Variants in COMMD10 observed in about 807,000 individuals in gnomAD.
COMMD10 encodes COMM domain-containing protein 10.
A neutral mutation model predicts 28.9 loss-of-function variants in COMMD10; 33 were observed. The observed-to-expected ratio is 1.14, with a 90% CI of 0.87 to 1.53. The LOEUF (loss-of-function observed/expected upper bound fraction) is 1.53. Among genes scored for constraint, COMMD10 ranks in the 40% most tolerant of loss-of-function variants. The pLI is 0.00. For synonymous variants in COMMD10, 110 were observed against 81.7 expected (o/e 1.35, Z -1.87); for missense variants, 310 against 233.4 (o/e 1.33, Z -2.14).
At chr5:116,184,520 T>A (rs974761659) in intron 5 of COMMD10, among the ~76,000 whole-genome samples, 1 of 152,046 alleles carries the variant, frequency 6.6e-6, no homozygotes, top group Non-Finnish European at 1.5e-5. Flanking sequence ...GTTGATAATA[T>A]TGGTTAACAC....
Position 116,220,007 on chromosome 5 carries a change from A to AG in COMMD10, c.511-71508dup, listed in dbSNP as rs1477176319. On this transcript the variant is annotated intron_variant, in intron 5 of 6. Coordinates refer to ENST00000274458, the MANE Select transcript of COMMD10 (RefSeq NM_016144.4). ...CTGTCTTTGTCAGGTTTGGGTCATA[A>AG]GGTTATATGTTAAATTGTTTTGGAT... Among the ~76,000 whole-genome samples, 3 of 152,026 alleles carry AG rather than the reference A, an allele frequency of 2.0e-5. No individual in the cohort carries two copies. The East Asian group carries it at 5.8e-4, about 29-fold the overall frequency.
intron 5 of COMMD10, among the ~76,000 whole-genome samples, chr5:116,177,364 C>T (rs1753550376): frequency 6.6e-6 from 1 of 152,094 alleles, no homozygotes; most frequent in Non-Finnish European, 1.5e-5. Context: ...ATCTTTTCAT[C>T]TTCATTGCTT....
chr5:116,087,511 T>C lies in COMMD10; in HGVS notation c.56T>C (p.Val19Ala), dbSNP rs773722398. ...LRESPSMKKA[V>A]SLINAIDTGR... The stretch of plus-strand genomic sequence containing the variant: ...ATTTTGTTTAGCATGAAGAAAGCAG[T>C]GTCACTGATAAATGCAATAGATACA... Residue 19 changes from valine (V) to alanine (A), a missense_variant, in exon 2 of 7, where the codon GTG (valine) becomes GCG (alanine). Coordinates refer to ENST00000274458, the MANE Select transcript of COMMD10 (RefSeq NM_016144.4). 1 of 1,608,532 alleles carries C rather than the reference T, an allele frequency of 6.2e-7. No homozygotes were observed. The highest frequency in any genetic ancestry group is 2.2e-5 in the East Asian group (1 of 44,852).
rs143820416 is a variant in COMMD10 at position 116,127,104 on chromosome 5, A to T, written c.400-6964A>T. ...GAGAAAATCAAACAACCCCATCAAA[A>T]AGTGGGCAAAGGATATGAACAGACA... On this transcript the variant is annotated intron_variant, in intron 4 of 6. Transcript: ENST00000274458. 5.7e-3 allele frequency among the ~76,000 whole-genome samples: 870 copies of T among 152,322 alleles called. 31 individuals carry two copies. The East Asian group carries it at 0.1, about 18-fold the overall frequency.
chr5:116,112,785 G>A (rs1470707237), intron 4 of COMMD10, among the ~76,000 whole-genome samples: 1 of 151,946 alleles, frequency 6.6e-6, no homozygotes, highest in Non-Finnish European at 1.5e-5. Context: ...ATGAGATTTT[G>A]TTCCTGTCAT....
At chr5:116,282,949 A>G (rs1004967005) in intron 5 of COMMD10, among the ~76,000 whole-genome samples, 1 of 151,990 alleles carries the variant, frequency 6.6e-6, no homozygotes, top group Non-Finnish European at 1.5e-5. Context: ...AGGAATAAAC[A>G]TGTACACATA....
intron 5 of COMMD10, among the ~76,000 whole-genome samples, chr5:116,228,116 CT>C (rs1749442417): frequency 6.6e-6 from 1 of 151,922 alleles, no homozygotes; most frequent in Non-Finnish European, 1.5e-5. Context: ...AAGGTATTCA[CT>C]TTGGCCTCAT....
chr5:116,197,765 C>T (rs900216724), intron 5 of COMMD10, among the ~76,000 whole-genome samples: 1 of 152,100 alleles, frequency 6.6e-6, no homozygotes, highest in African/African-American at 2.4e-5. Context: ...CAGTAAAGTG[C>T]AGATTAAAGT....
chr5:116,117,764 C>A (rs1751288950), intron 4 of COMMD10, among the ~76,000 whole-genome samples: 1 of 152,072 alleles, frequency 6.6e-6, no homozygotes, highest in Non-Finnish European at 1.5e-5. Flanking sequence ...CCACACCTGG[C>A]CTGATTTTAG....
chr5:116,225,442 C>G (rs754509120), intron 5 of COMMD10, among the ~76,000 whole-genome samples: 1 of 140,752 alleles, frequency 7.1e-6, no homozygotes, highest in Non-Finnish European at 1.5e-5. Context: ...TGGGTTCTGT[C>G]ATATTCTTTT....
chr5:116,244,358 A>G (rs1265470866), intron 5 of COMMD10, among the ~76,000 whole-genome samples: 2 of 152,136 alleles, frequency 1.3e-5, no homozygotes, highest in Admixed American at 6.6e-5. Context: ...ATTATGTAGA[A>G]CATAAATTCA....
At chr5:116,232,818 T>C (rs895891322) in intron 5 of COMMD10, among the ~76,000 whole-genome samples, 1 of 152,188 alleles carries the variant, frequency 6.6e-6, no homozygotes, top group Admixed American at 6.5e-5. Context: ...GGTACTCTTT[T>C]AATTGCTTTA....
chr5:116,253,060 CA>C (rs1217118689), intron 5 of COMMD10, among the ~76,000 whole-genome samples: 3 of 73,696 alleles, frequency 4.1e-5, no homozygotes, highest in African/African-American at 1.0e-4. Flanking sequence ...CTCTTTGAAG[CA>C]ATTGTGAATG....
chr5:116,221,632 G>A (rs963185430), intron 5 of COMMD10, among the ~76,000 whole-genome samples: 1 of 152,152 alleles, frequency 6.6e-6, no homozygotes, highest in African/African-American at 2.4e-5. Context: ...TAATTATTTG[G>A]TTTGACTTTG....
At chr5:116,212,777 G>A (rs1357418700) in intron 5 of COMMD10, among the ~76,000 whole-genome samples, 1 of 151,898 alleles carries the variant, frequency 6.6e-6, no homozygotes, top group Non-Finnish European at 1.5e-5. Flanking sequence ...TACAAACATC[G>A]AAGGCTATCA....
chr5:116,203,536 G>A (rs1748728803), intron 5 of COMMD10, among the ~76,000 whole-genome samples: 1 of 152,096 alleles, frequency 6.6e-6, no homozygotes, highest in South Asian at 2.1e-4. Context: ...ACTAACAGCG[G>A]ATCTCTCGGC....
intron 5 of COMMD10, among the ~76,000 whole-genome samples, chr5:116,278,637 CTT>C (rs1561405999): frequency 6.6e-6 from 1 of 151,802 alleles, no homozygotes; most frequent in Non-Finnish European, 1.5e-5. Flanking sequence ...CATGCGCTCT[CTT>C]ATACGATTTT....
intron 5 of COMMD10, among the ~76,000 whole-genome samples, chr5:116,185,302 T>C (rs1748102241): frequency 6.6e-6 from 1 of 152,092 alleles, no homozygotes; most frequent in South Asian, 2.1e-4. Flanking sequence ...GATATAAATA[T>C]GTGGGAAGGA....
intron 5 of COMMD10, among the ~76,000 whole-genome samples, chr5:116,264,475 C>G (rs1750530291): frequency 1.3e-5 from 2 of 151,822 alleles, no homozygotes; most frequent in Non-Finnish European, 2.9e-5. Flanking sequence ...CACTGTAGCA[C>G]TTAGCATGCA....
Sources: gnomAD v4.1 joint callset for allele counts (sites outside exome capture counted in the v4.1 genomes callset) on GRCh38, gnomAD v4.1.1 for gene constraint, MANE v1.5 for transcripts, NCBI Gene and HGNC (gene_info 2026-07-23, HGNC 2026-07-21) for gene names.